The following RBM33 variants were observed in gnomAD, a reference collection of about 807,000 sequenced individuals.
RBM33 encodes RNA binding motif protein 33, also known as RNA-binding protein 33.
In RBM33, 28 loss-of-function variants were observed where a neutral mutation model predicts 132.6. The ratio of observed to expected loss-of-function variants is 0.21; its 90% confidence interval spans 0.16 to 0.29. RBM33 has a LOEUF of 0.29. RBM33 is among the 10% of genes least tolerant of loss of function. The pLI is 1.00. For synonymous variants in RBM33, 634 were observed against 593.0 expected, an observed-to-expected ratio of 1.07 and a Z score of -1.01; for missense variants, 1,291 against 1,518.5, an observed-to-expected ratio of 0.85 and a Z score of 2.49.
At chr7:155,755,973 T>A (rs940541994) in intron 14 of RBM33, among the ~76,000 whole-genome samples, 3 of 152,232 alleles carry the variant, frequency 2.0e-5, no homozygotes, top group African/African-American at 4.8e-5. Context: ...AAAATGTTTC[T>A]GGTTTGACCA....
intron 5 of RBM33, among the ~76,000 whole-genome samples, chr7:155,686,878 A>G (rs540197995): frequency 6.6e-6 from 1 of 152,278 alleles, no homozygotes; most frequent in Non-Finnish European, 1.5e-5. Context: ...CCAGTCTATC[A>G]TTGATGGACA....
chr7:155,707,044 G>A lies in RBM33; in HGVS notation c.924G>A (p.Leu308=), dbSNP rs1295239350. The change falls in exon 7 of 18, where the codon CTG becomes CTA. Residue 308 remains leucine (L), a synonymous_variant. Transcript: ENST00000401878. ...GGATGAAGGACCACAGACCTGCGCTGCTTCCTACACAGCCTCCTGTCGTGG... is the reference window on the plus strand; with the variant it reads ...GGATGAAGGACCACAGACCTGCGCTACTTCCTACACAGCCTCCTGTCGTGG... ...RGRMKDHRPA[L]LPTQPPVVPQ... The A allele has an allele frequency of 1.3e-6, 2 of 1,559,384 alleles. No individual in the cohort carries two copies. The highest frequency in any genetic ancestry group is 1.7e-6 in the Non-Finnish European group (2 of 1,151,848).
At chr7:155,755,199 C>G (rs77535669) in intron 14 of RBM33, among the ~76,000 whole-genome samples, 70 of 152,308 alleles carry the variant, frequency 4.6e-4, no homozygotes, top group Non-Finnish European at 8.2e-4. Flanking sequence ...GGTCTCTGGA[C>G]TGTAAGATCA....
intron 1 of RBM33, among the ~76,000 whole-genome samples, chr7:155,656,328 T>G (rs2116875299): frequency 6.6e-6 from 1 of 152,060 alleles, no homozygotes; most frequent in East Asian, 1.9e-4. Flanking sequence ...AAAATCATGG[T>G]TAAAGATCCA....
intron 1 of RBM33, among the ~76,000 whole-genome samples, chr7:155,660,697 C>G (rs1390885712): frequency 6.6e-6 from 1 of 152,152 alleles, no homozygotes; most frequent in Non-Finnish European, 1.5e-5. Flanking sequence ...AACATTTTGA[C>G]TACGTTGTGT....
At chr7:155,670,653 G>T (rs764431636) in intron 2 of RBM33, among the ~76,000 whole-genome samples, 38 of 152,268 alleles carry the variant, frequency 2.5e-4, no homozygotes, top group Non-Finnish European at 3.8e-4. Flanking sequence ...CCTGAGAGGG[G>T]TATTATGTCA....
intron 16 of RBM33, among the ~76,000 whole-genome samples, chr7:155,770,827 G>A (rs1420610565): frequency 1.3e-5 from 2 of 152,166 alleles, no homozygotes; most frequent in African/African-American, 2.4e-5. Flanking sequence ...AAAAGAGGCG[G>A]GTTCTGAACA....
intron 3 of RBM33, among the ~76,000 whole-genome samples, chr7:155,678,293 T>C (rs1488831927): frequency 6.6e-6 from 1 of 152,258 alleles, no homozygotes; most frequent in Non-Finnish European, 1.5e-5. Flanking sequence ...TTTTGTGTAT[T>C]ATAAGGAAAT....
intron 5 of RBM33, among the ~76,000 whole-genome samples, chr7:155,692,690 C>T (rs1344894054): frequency 1.3e-5 from 2 of 152,308 alleles, no homozygotes; most frequent in East Asian, 3.9e-4. Context: ...CTTACAGCTT[C>T]CGTGAAATGG....
At chr7:155,648,978 T>C (rs992473243) in intron 1 of RBM33, among the ~76,000 whole-genome samples, 1 of 152,246 alleles carries the variant, frequency 6.6e-6, no homozygotes, top group African/African-American at 2.4e-5. Context: ...AATGTGTTTC[T>C]GTGTGGGTCT....
chr7:155,763,765 T>C (rs1802114133), intron 14 of RBM33, 47 bp from the exon 15 acceptor site: 1 of 1,553,106 alleles, frequency 6.4e-7, no homozygotes, highest in South Asian at 1.2e-5. Flanking sequence ...GAGGAGCTTT[T>C]GGTGGAGCAG....
rs374542210 is a variant in RBM33, at chr7:155,644,743, C to T, written c.-134C>T. ...AGGGCCAGCTGTGGACCGCGAAGCG[C>T]CCGGCTTCGCCTCTGCCTCCTGCAG... On this transcript the variant is annotated 5_prime_UTR_variant, in exon 1 of 18. Transcript: ENST00000401878. 7 of 676,504 alleles carry T rather than the reference C, an allele frequency of 1.0e-5. No individual in the cohort carries two copies. The South Asian group carries it at 1.2e-4, about 11-fold the overall frequency. 41.9% of individuals were successfully genotyped at this position (676,504 alleles called of 1,614,324 possible). A position where few individuals can be genotyped will look rare whatever the true frequency, so the allele number is the denominator to read the frequency against.
rs780991473 is a variant in RBM33 at position 155,774,807 on chromosome 7, C to T, written c.3464+160C>T. Among the ~76,000 whole-genome samples the T allele has an allele frequency of 1.2e-4, 18 of 152,198 alleles. No individual in the cohort carries two copies. Among genetic ancestry groups the T allele is most frequent in the African/African-American group, 3.9e-4 (16 of 41,446 alleles). ...CAGACGGTGATCCTGTCATGAGGCG[C>T]GCGTCCTTTTGTCTGGTGGAGAATT... On this transcript the variant is annotated intron_variant, in intron 17 of 17. Coordinates refer to ENST00000401878, the MANE Select transcript of RBM33 (RefSeq NM_053043.3). This position sits in a 1 kb window ranked among gnomAD's most constrained non-coding sequence, Gnocchi z 4.2.
intron 1 of RBM33, among the ~76,000 whole-genome samples, chr7:155,646,598 C>G (rs1798202319): frequency 6.6e-6 from 1 of 152,194 alleles, no homozygotes; most frequent in African/African-American, 2.4e-5. Context: ...CCCGCTCTTG[C>G]CAGGGCTGAC....
intron 1 of RBM33, among the ~76,000 whole-genome samples, chr7:155,649,827 C>T (rs1226019399): frequency 6.6e-6 from 1 of 152,224 alleles, no homozygotes; most frequent in Admixed American, 6.5e-5. Context: ...AACAAAAACT[C>T]CTGTGCTTAC....
At chr7:155,691,696 C>T (rs2059386) in intron 5 of RBM33, among the ~76,000 whole-genome samples, 112,537 of 152,010 alleles carry the variant, frequency 0.74, 41,920 homozygotes, top group South Asian at 0.8. Context: ...TAGTTCTAGA[C>T]GTTTTTAACT....
intron 5 of RBM33, chr7:155,685,148 G>T: frequency 7.8e-7 from 1 of 1,276,430 alleles, no homozygotes; most frequent in South Asian, 1.5e-5. Context: ...AAGTCGATAC[G>T]TATCTTTGAA....
At position 155,669,389 on chromosome 7, in the gene RBM33, A is replaced by G. The variant is rs1798884676; in HGVS notation, c.123-3478A>G. Reference sequence around the variant, plus strand: ...GTTTTTGTTTTTGTTTTTTTGAGACAGAGTCTGCTCTGGAGTGCAGTGGTG... The same window carrying G: ...GTTTTTGTTTTTGTTTTTTTGAGACGGAGTCTGCTCTGGAGTGCAGTGGTG... On this transcript the variant is annotated intron_variant, in intron 2 of 17. Coordinates refer to ENST00000401878, the MANE Select transcript of RBM33 (RefSeq NM_053043.3). Among the ~76,000 whole-genome samples the G allele has an allele frequency of 3.9e-5, 6 of 152,194 alleles. No homozygotes were observed. In the South Asian group the frequency reaches 1.2e-3, roughly 32 times the overall value.
chr7:155,775,289 T>C lies in RBM33; in HGVS notation c.*248T>C. The C allele has an allele frequency of 1.6e-6, 1 of 616,460 alleles. No individual in the cohort carries two copies. The highest frequency in any genetic ancestry group is 2.9e-6 in the Non-Finnish European group (1 of 341,470). The allele number at this position is 616,460 out of a possible 1,614,324, so 38.2% of individuals were successfully genotyped here. On this transcript the variant is annotated 3_prime_UTR_variant, in exon 18 of 18. Coordinates refer to ENST00000401878, the MANE Select transcript of RBM33 (RefSeq NM_053043.3). ...TGTCACCACCAAGAACTCCAAGTTT[T>C]TCGTTTTGTTTTGTTTTCAAAGTGC...
Sources: allele counts gnomAD v4.1 joint callset (sites outside exome capture counted in the v4.1 genomes callset), GRCh38; gene constraint gnomAD v4.1.1; non-coding constraint Gnocchi (gnomAD v3.1); transcripts MANE v1.5; gene names NCBI Gene and HGNC (gene_info 2026-07-23, HGNC 2026-07-21).